The following GABBR2 variants were observed in gnomAD, a reference collection of about 807,000 sequenced individuals.
The protein encoded by GABBR2 is G-protein coupled receptor 51.
GABBR2 carries 23 observed loss-of-function variants against 105.6 expected under a neutral mutation model. The observed-to-expected ratio is 0.22, with a 90% confidence interval of 0.16 to 0.31. The LOEUF is 0.31. Among genes scored for constraint, GABBR2 ranks in the 10% least tolerant of loss-of-function variants. GABBR2 has a pLI of 1.00. For missense variants in GABBR2, 734 were observed against 1,245.5 expected (o/e 0.59, Z 6.18); for synonymous variants, 478 against 499.7 (o/e 0.96, Z 0.58).
At chr9:98,496,385 C>T (rs761346575) in intron 4 of GABBR2, 28 bp downstream of exon 4, 3 of 1,375,626 alleles carry the variant, frequency 2.2e-6, no homozygotes, top group Non-Finnish European at 3.1e-6. Context: ...ATCAGTCTGC[C>T]ATTCACCCTG....
rs10124070 is a variant in GABBR2 at position 98,289,597 on chromosome 9, G to A, written c.*987C>T. On this transcript the variant is annotated 3_prime_UTR_variant, in exon 19 of 19. Transcript: ENST00000259455. ...GTCTACGGGGATGTCTTTTAGCAGA[G>A]TGCCTCCAATTCACTTTGGTCAGAA... is the stretch of plus-strand genomic sequence containing the variant. 95,518 of 151,372 alleles carry A rather than the reference G, an allele frequency of 0.63. 31,287 individuals carry two copies. Among genetic ancestry groups the A allele is most frequent in the African/African-American group, 0.81 (33,368 of 41,042 alleles). 9.4% of individuals were successfully genotyped at this position (151,372 alleles called of 1,614,324 possible).
chr9:98,360,112 T>G (rs1588121248), intron 13 of GABBR2, among the ~76,000 whole-genome samples: 1 of 151,742 alleles, frequency 6.6e-6, no homozygotes, highest in East Asian at 1.9e-4. Flanking sequence ...AGTAGGTAAG[T>G]GGGAGGGAGG....
At chr9:98,469,787 T>C (rs1318624264) in intron 6 of GABBR2, among the ~76,000 whole-genome samples, 1 of 152,194 alleles carries the variant, frequency 6.6e-6, no homozygotes, top group Non-Finnish European at 1.5e-5. Context: ...GGTTTTCCAT[T>C]TGTACAATAG....
At chr9:98,354,264 A>T (rs486954) in intron 13 of GABBR2, among the ~76,000 whole-genome samples, 1 of 152,048 alleles carries the variant, frequency 6.6e-6, no homozygotes, top group Non-Finnish European at 1.5e-5. Context: ...GAGTAGATTT[A>T]GCACAATTCT....
chr9:98,672,314 CT>C (rs1385585754), intron 1 of GABBR2, among the ~76,000 whole-genome samples: 1 of 152,258 alleles, frequency 6.6e-6, no homozygotes, highest in East Asian at 1.9e-4. Context: ...CAGTATTTGT[CT>C]TTTTGTAACT....
chr9:98,600,238 C>T lies in GABBR2; in HGVS notation c.322-22166G>A, dbSNP rs573241966. Among the ~76,000 whole-genome samples, 7 of 152,286 alleles carry T rather than the reference C, an allele frequency of 4.6e-5. No homozygotes were observed. The South Asian group carries it at 1.2e-3, about 27-fold the overall frequency. ...GAGGCCCAAATCACAGCTAAGATGA[C>T]AGGCATCAGGGCTGCAAAGATGGAA... On this transcript the variant is annotated intron_variant, in intron 1 of 18. Coordinates refer to ENST00000259455, the MANE Select transcript of GABBR2 (RefSeq NM_005458.8).
chr9:98,564,660 T>G (rs1828724498), intron 2 of GABBR2, among the ~76,000 whole-genome samples: 1 of 152,158 alleles, frequency 6.6e-6, no homozygotes, highest in Admixed American at 6.5e-5. Context: ...TGTGACAAAT[T>G]AGTTTTTTAA....
chr9:98,398,378 C>T (rs187357755), intron 8 of GABBR2, among the ~76,000 whole-genome samples: 1 of 152,164 alleles, frequency 6.6e-6, no homozygotes, highest in Non-Finnish European at 1.5e-5. Context: ...ACAGGAGCCC[C>T]CAAGCTGGTG....
intron 7 of GABBR2, among the ~76,000 whole-genome samples, chr9:98,451,748 C>T (rs1477419434): frequency 6.6e-6 from 1 of 152,190 alleles, no homozygotes; most frequent in African/African-American, 2.4e-5. Context: ...TAGCATGTCC[C>T]TCCAGAAATG....
chr9:98,294,065 A>G (rs1484164543), intron 17 of GABBR2, among the ~76,000 whole-genome samples, 163 bp from the exon 18 acceptor site: 1 of 152,158 alleles, frequency 6.6e-6, no homozygotes, highest in Non-Finnish European at 1.5e-5. Context: ...CTCTCCCGGG[A>G]CCAAGGCGGT....
chr9:98,404,333 C>A (rs1348008508), intron 8 of GABBR2, among the ~76,000 whole-genome samples: 2 of 152,168 alleles, frequency 1.3e-5, no homozygotes, highest in Non-Finnish European at 2.9e-5. Flanking sequence ...AGAGCTGACA[C>A]GCGTTTCAAT....
intron 13 of GABBR2, among the ~76,000 whole-genome samples, chr9:98,341,206 C>T (rs1012084153): frequency 2.6e-5 from 4 of 152,218 alleles, no homozygotes; most frequent in African/African-American, 7.2e-5. Flanking sequence ...TCCAGAATCG[C>T]GGCGGTGGCT....
intron 7 of GABBR2, among the ~76,000 whole-genome samples, chr9:98,433,696 T>A (rs1051159428): frequency 6.6e-6 from 1 of 152,190 alleles, no homozygotes; most frequent in African/African-American, 2.4e-5. Flanking sequence ...CAACCTTTCT[T>A]TCCTTCCCTG....
intron 1 of GABBR2, among the ~76,000 whole-genome samples, chr9:98,692,340 T>C (rs1830692336): frequency 6.6e-6 from 1 of 152,194 alleles, no homozygotes; most frequent in Admixed American, 6.5e-5. Context: ...GCCAGCAGTA[T>C]GGATATTAGT....
chr9:98,463,684 G>A (rs1475653673), intron 6 of GABBR2, among the ~76,000 whole-genome samples: 1 of 146,468 alleles, frequency 6.8e-6, no homozygotes, highest in Admixed American at 6.8e-5. Context: ...TGCAGAGCCT[G>A]GGCAGTACTG....
At chr9:98,488,977 C>T (rs1827118249) in intron 4 of GABBR2, among the ~76,000 whole-genome samples, 1 of 152,164 alleles carries the variant, frequency 6.6e-6, no homozygotes, top group African/African-American at 2.4e-5. Context: ...ATCTTCAGAG[C>T]AGGTGGTGGC....
intron 1 of GABBR2, among the ~76,000 whole-genome samples, chr9:98,694,972 A>G (rs1830730377): frequency 6.6e-6 from 1 of 152,198 alleles, no homozygotes; most frequent in Admixed American, 6.5e-5. Flanking sequence ...CCTAAAAGGA[A>G]ATGTGTCCTC....
intron 4 of GABBR2, among the ~76,000 whole-genome samples, chr9:98,481,666 A>C (rs1157743929): frequency 1.3e-5 from 2 of 152,226 alleles, no homozygotes; most frequent in African/African-American, 4.8e-5. Flanking sequence ...CTCATCTGCA[A>C]AATGAGGATA....
intron 1 of GABBR2, among the ~76,000 whole-genome samples, chr9:98,635,987 T>A (rs1212690743): frequency 1.3e-5 from 2 of 152,090 alleles, no homozygotes; most frequent in Non-Finnish European, 2.9e-5. Flanking sequence ...ACTCCATGCA[T>A]CAAAGTGGAG....
Sources: gnomAD v4.1 joint callset for allele counts (sites outside exome capture counted in the v4.1 genomes callset) on GRCh38, gnomAD v4.1.1 for gene constraint, MANE v1.5 for transcripts, NCBI Gene and HGNC (gene_info 2026-07-23, HGNC 2026-07-21) for gene names.